The following CAMK4 variants were observed in gnomAD, a reference collection of about 807,000 sequenced individuals.
CAMK4 encodes calcium/calmodulin-dependent protein kinase type IV.
In CAMK4, 22 loss-of-function variants were observed where a neutral mutation model predicts 44.9. That is an observed-to-expected ratio of 0.49 (90% CI 0.35 to 0.70). The LOEUF is 0.70. Among genes scored for constraint, CAMK4 ranks in the 30% least tolerant of loss-of-function variants. The pLI, the probability that CAMK4 is intolerant of heterozygous loss-of-function variation, is 0.01. For missense variants in CAMK4, 498 were observed against 586.8 expected (o/e 0.85, Z 1.56); for synonymous variants, 218 against 215.4 (o/e 1.01, Z -0.11).
intron 3 of CAMK4, among the ~76,000 whole-genome samples, chr5:111,375,913 C>A (rs1751196566): frequency 6.6e-6 from 1 of 152,052 alleles, no homozygotes; most frequent in South Asian, 2.1e-4. Context: ...GCTGCCAGTT[C>A]TCATAAGAAG....
At chr5:111,431,255 T>G (rs904571301) in intron 5 of CAMK4, among the ~76,000 whole-genome samples, 1 of 152,046 alleles carries the variant, frequency 6.6e-6, no homozygotes, top group African/African-American at 2.4e-5. Context: ...GAACATACAC[T>G]GGGAAAAAGA....
At chr5:111,362,146 ATATTCCAGAATAACAAT>A (rs1450742598) in intron 2 of CAMK4, among the ~76,000 whole-genome samples, 2 of 152,050 alleles carry the variant, frequency 1.3e-5, no homozygotes, top group Non-Finnish European at 2.9e-5. Flanking sequence ...TAAAACAATA[ATATTCCAGAATAACAAT>A]TATCCCCATT....
At chr5:111,293,721 T>A (rs924943626) in intron 1 of CAMK4, among the ~76,000 whole-genome samples, 20 of 147,108 alleles carry the variant, frequency 1.4e-4, no homozygotes, top group Non-Finnish European at 2.5e-4. Context: ...GCGTGAGCCA[T>A]CACGCCTGGC....
At chr5:111,396,037 A>T (rs1428518578) in intron 5 of CAMK4, among the ~76,000 whole-genome samples, 1 of 152,150 alleles carries the variant, frequency 6.6e-6, no homozygotes, top group African/African-American at 2.4e-5. Context: ...CACATCAAAA[A>T]CAGGAAGGAG....
rs1392007986 is a variant in CAMK4, at chr5:111,491,012, ATTAG to A, written c.*6550_*6553del. On this transcript the variant is annotated 3_prime_UTR_variant, in exon 11 of 11. Coordinates refer to ENST00000282356, the MANE Select transcript of CAMK4 (RefSeq NM_001744.6). ...TCAGTAAAAGATTATTAGTAAACAA[ATTAG>A]TTATTTATGCTCTTACTTGAATGTC... 2.0e-5 allele frequency: 3 copies of A among 152,310 alleles called. No homozygotes were observed. The highest frequency in any genetic ancestry group is 6.8e-3 in the Middle Eastern group (2 of 294). The allele number at this position is 152,310 out of a possible 1,614,324, so 9.4% of individuals were successfully genotyped here. A position where few individuals can be genotyped will look rare whatever the true frequency, so the allele number is the denominator to read the frequency against.
Position 111,373,487 on chromosome 5 carries a change from TATTC to T in CAMK4, c.241-1358_241-1355del, listed in dbSNP as rs551853146. On this transcript the variant is annotated intron_variant, in intron 2 of 10. Coordinates refer to ENST00000282356, the MANE Select transcript of CAMK4 (RefSeq NM_001744.6). The stretch of plus-strand genomic sequence containing the variant: ...ATAAAGTTGGAAAAATTTTTTTGAG[TATTC>T]ATTCCTTTTTAAAGATTGCATCCTT... Among the ~76,000 whole-genome samples, 468 of 152,210 alleles carry T rather than the reference TATTC, an allele frequency of 3.1e-3. 6 individuals are homozygous for T. Among genetic ancestry groups the T allele is most frequent in the African/African-American group, 0.011 (442 of 41,536 alleles).
intron 1 of CAMK4, 62 bp from the exon 2 acceptor site, chr5:111,343,962 G>A: frequency 1.0e-6 from 1 of 966,874 alleles, no homozygotes. Flanking sequence ...TTATTTTCAA[G>A]CTTTCCCCTT....
chr5:111,395,625 AG>A (rs1751978997), intron 5 of CAMK4, among the ~76,000 whole-genome samples: 1 of 152,196 alleles, frequency 6.6e-6, no homozygotes, highest in African/African-American at 2.4e-5. Flanking sequence ...TTGGAACACA[AG>A]TTTTGTAAGT....
chr5:111,400,898 C>G (rs569348201), intron 5 of CAMK4, among the ~76,000 whole-genome samples: 2 of 152,232 alleles, frequency 1.3e-5, no homozygotes, highest in African/African-American at 4.8e-5. Flanking sequence ...AATATTCCCT[C>G]TCCTCTGATA....
At chr5:111,270,433 C>T (rs1041852805) in intron 1 of CAMK4, among the ~76,000 whole-genome samples, 9 of 152,168 alleles carry the variant, frequency 5.9e-5, no homozygotes, top group Non-Finnish European at 1.2e-4. Context: ...GAACCTTCAA[C>T]TCCCTTGTCC....
chr5:111,367,540 A>G (rs180743152), intron 2 of CAMK4, among the ~76,000 whole-genome samples: 11 of 152,078 alleles, frequency 7.2e-5, no homozygotes, highest in African/African-American at 2.2e-4. Flanking sequence ...TTTTCTGCCT[A>G]CTTGCTACCT....
intron 5 of CAMK4, among the ~76,000 whole-genome samples, chr5:111,402,585 C>CAG (rs1270709644): frequency 1.2e-4 from 19 of 152,200 alleles, no homozygotes; most frequent in African/African-American, 4.1e-4. Context: ...TCCTCATTGG[C>CAG]AGAAAGCCGA....
At chr5:111,327,420 T>C (rs1479703220) in intron 1 of CAMK4, among the ~76,000 whole-genome samples, 2 of 152,254 alleles carry the variant, frequency 1.3e-5, no homozygotes, top group East Asian at 3.9e-4. Flanking sequence ...GTGGGACATT[T>C]GGGTTGGTTC....
At chr5:111,461,706 C>T (rs1052020682) in intron 7 of CAMK4, among the ~76,000 whole-genome samples, 8 of 151,038 alleles carry the variant, frequency 5.3e-5, no homozygotes, top group Non-Finnish European at 1.2e-4. Flanking sequence ...CCTCCTCCCT[C>T]CTCCTTCCCA....
chr5:111,323,286 G>A (rs1216235738), intron 1 of CAMK4, among the ~76,000 whole-genome samples: 2 of 151,930 alleles, frequency 1.3e-5, no homozygotes, highest in Admixed American at 6.6e-5. Flanking sequence ...CTATACTTAC[G>A]ATTTTTTTTA....
At chr5:111,436,122 G>A (rs3797743) in intron 5 of CAMK4, among the ~76,000 whole-genome samples, 70,320 of 151,938 alleles carry the variant, frequency 0.46, 16,432 homozygotes, top group Middle Eastern at 0.61. Context: ...ACAAAGATAA[G>A]TGTTTCATTA....
At chr5:111,429,155 GAAATT>G (rs1561482797) in intron 5 of CAMK4, among the ~76,000 whole-genome samples, 1 of 151,596 alleles carries the variant, frequency 6.6e-6, no homozygotes, top group Non-Finnish European at 1.5e-5. Flanking sequence ...AGAAACAAAT[GAAATT>G]AAAGTGAAAA....
At chr5:111,417,370 C>T (rs1752852880) in intron 5 of CAMK4, among the ~76,000 whole-genome samples, 1 of 152,054 alleles carries the variant, frequency 6.6e-6, no homozygotes, top group Admixed American at 6.6e-5. Context: ...GCGCCACCAC[C>T]ACGCCCAGCT....
In CAMK4 at chr5:111,492,983, G is replaced by A. The variant is rs1755910132; in HGVS notation, c.*8517G>A. 1 of 152,240 alleles carries A rather than the reference G, an allele frequency of 6.6e-6. No individual in the cohort carries two copies. Among genetic ancestry groups the A allele is most frequent in the Admixed American group, 6.5e-5 (1 of 15,268 alleles). The allele number at this position is 152,240 out of a possible 1,614,324, so 9.4% of individuals were successfully genotyped here. A position where few individuals can be genotyped will look rare whatever the true frequency, so the allele number is the denominator to read the frequency against. On this transcript the variant is annotated 3_prime_UTR_variant, in exon 11 of 11. Transcript: ENST00000282356. ...GTGAATCTTTGCAGGTAGGGAAGAA[G>A]TAGGGGGCATGTCTGGCTGAGAACC... is the stretch of plus-strand genomic sequence containing the variant.
Sources: gnomAD v4.1 joint callset for allele counts (sites outside exome capture counted in the v4.1 genomes callset) on GRCh38, gnomAD v4.1.1 for gene constraint, MANE v1.5 for transcripts, NCBI Gene and HGNC (gene_info 2026-07-23, HGNC 2026-07-21) for gene names.